The following PPP4R3A variants were observed in gnomAD, a reference collection of about 807,000 sequenced individuals.
PPP4R3A encodes protein phosphatase 4 regulatory subunit 3A.
A neutral mutation model predicts 91.7 loss-of-function variants in PPP4R3A; 15 were observed. The observed-to-expected ratio is 0.16, with a 90% confidence interval of 0.11 to 0.25. The LOEUF is 0.25. Among genes scored for constraint, PPP4R3A ranks in the 10% least tolerant of loss-of-function variants. The pLI is 1.00. For synonymous variants in PPP4R3A, 377 were observed against 348.7 expected (o/e 1.08, Z -0.91); for missense variants, 623 against 998.4 (o/e 0.62, Z 5.07).
intron 1 of PPP4R3A, among the ~76,000 whole-genome samples, chr14:91,502,903 G>A (rs539710845): frequency 6.6e-6 from 1 of 152,222 alleles, no homozygotes; most frequent in South Asian, 2.1e-4. Context: ...CAAGTACTTC[G>A]TAATAAGGAG....
chr14:91,476,784 C>G (rs1160510613), intron 5 of PPP4R3A, 125 bp downstream of exon 5: 1 of 800,274 alleles, frequency 1.2e-6, no homozygotes, highest in Non-Finnish European at 2.0e-6. Flanking sequence ...CCAGGCTGGT[C>G]TCAAACTTCT....
At position 91,509,724 on chromosome 14, in the gene PPP4R3A, G is replaced by A; in HGVS notation, c.-77C>T. 2 of 1,428,390 alleles carry A rather than the reference G, an allele frequency of 1.4e-6. No individual in the cohort carries two copies. Among genetic ancestry groups the A allele is most frequent in the East Asian group, 2.9e-5 (1 of 34,478 alleles). The allele number at this position is 1,428,390 out of a possible 1,614,324, so 88.5% of individuals were successfully genotyped here. On this transcript the variant is annotated 5_prime_UTR_variant, in exon 1 of 15. Coordinates refer to ENST00000554943, the MANE Select transcript of PPP4R3A (RefSeq NM_001366432.2). ...GGGGCCCTGGAGAGGCGAGGGGCGAGGCGTGAGGGCGCCCGCGAGCGGAGG... is the reference window on the plus strand; with the variant it reads ...GGGGCCCTGGAGAGGCGAGGGGCGAAGCGTGAGGGCGCCCGCGAGCGGAGG...
chr14:91,503,305 T>C (rs377683109), intron 1 of PPP4R3A, among the ~76,000 whole-genome samples: 2 of 146,260 alleles, frequency 1.4e-5, no homozygotes, highest in Non-Finnish European at 3.0e-5. Flanking sequence ...TTTTTTTTTT[T>C]CTGAGACAGG....
Position 91,470,965 on chromosome 14 carries a change from AG to A in PPP4R3A, c.1531del (p.Val512TyrfsTer5). ...ACAAAATGTTAACAATTCCAATACAAGTGCCAATAGTTGGGCAGTCTGAAAA... is the reference window on the plus strand; with the variant it reads ...ACAAAATGTTAACAATTCCAATACAATGCCAATAGTTGGGCAGTCTGAAAA... ...DDFQTAQLLA[L>X]VLELLTFCVE... On this transcript the variant is annotated frameshift_variant, in exon 10 of 15. Transcript: ENST00000554943. LOFTEE classifies it high-confidence loss of function. The A allele has an allele frequency of 6.2e-7, 1 of 1,604,222 alleles. No homozygotes were observed. Among genetic ancestry groups the A allele is most frequent in the Non-Finnish European group, 8.5e-7 (1 of 1,178,000 alleles).
chr14:91,504,338 AAAAG>A (rs1387689071), intron 1 of PPP4R3A, among the ~76,000 whole-genome samples: 475 of 150,084 alleles, frequency 3.2e-3, no homozygotes, highest in Non-Finnish European at 5.5e-3. Context: ...AAAAAAAAAA[AAAAG>A]AAAAGAAAAG....
intron 1 of PPP4R3A, among the ~76,000 whole-genome samples, chr14:91,498,505 T>A (rs1890725268): frequency 6.6e-6 from 1 of 152,194 alleles, no homozygotes; most frequent in Non-Finnish European, 1.5e-5. Flanking sequence ...ACAATCCAAA[T>A]AAACATCTGG....
chr14:91,458,658 C>T lies in PPP4R3A; in HGVS notation c.*101G>A. 1 of 1,535,744 alleles carries T rather than the reference C, an allele frequency of 6.5e-7. No individual in the cohort carries two copies. Among genetic ancestry groups the T allele is most frequent in the Non-Finnish European group, 9.0e-7 (1 of 1,109,724 alleles). ...GTGTAAGAGGCTGATCTGTGTCAGT[C>T]ATTCACAAGAGACCACTGCGCTTTG... On this transcript the variant is annotated 3_prime_UTR_variant, in exon 15 of 15. Transcript: ENST00000554943.
intron 10 of PPP4R3A, among the ~76,000 whole-genome samples, chr14:91,468,763 T>C (rs1888651488): frequency 6.7e-6 from 1 of 148,318 alleles, no homozygotes; most frequent in Non-Finnish European, 1.5e-5. Context: ...ATTAACATCT[T>C]AACTATGTAT....
chr14:91,470,700 T>C, intron 10 of PPP4R3A, 137 bp downstream of exon 10: 2 of 938,522 alleles, frequency 2.1e-6, no homozygotes, highest in Non-Finnish European at 1.6e-6. Flanking sequence ...ATGGCAAACC[T>C]GCATAATCAG....
intron 9 of PPP4R3A, among the ~76,000 whole-genome samples, chr14:91,471,764 G>A (rs962318913): frequency 6.6e-6 from 1 of 152,108 alleles, no homozygotes; most frequent in African/African-American, 2.4e-5. Flanking sequence ...CTATAATTAT[G>A]CTATATTAAG....
At chr14:91,500,975 T>A (rs1016326547) in intron 1 of PPP4R3A, among the ~76,000 whole-genome samples, 1 of 152,130 alleles carries the variant, frequency 6.6e-6, no homozygotes, top group Non-Finnish European at 1.5e-5. Context: ...GATGCTGCAA[T>A]GAGCTATGAT....
At chr14:91,483,971 G>T (rs1458687073) in intron 3 of PPP4R3A, among the ~76,000 whole-genome samples, 1 of 152,182 alleles carries the variant, frequency 6.6e-6, no homozygotes, top group Non-Finnish European at 1.5e-5. Context: ...ATCCAGAGTG[G>T]AAGTGTTTGA....
chr14:91,507,071 C>G (rs988681627), intron 1 of PPP4R3A, among the ~76,000 whole-genome samples: 2 of 151,908 alleles, frequency 1.3e-5, no homozygotes, highest in African/African-American at 4.8e-5. Flanking sequence ...GTAATCCTAG[C>G]ACTTTGGGAG....
At chr14:91,468,657 G>T (rs1442825947) in intron 10 of PPP4R3A, among the ~76,000 whole-genome samples, 1 of 77,272 alleles carries the variant, frequency 1.3e-5, no homozygotes, top group Non-Finnish European at 2.1e-5. Context: ...GACAGAGTGA[G>T]ACTCCGTCTC....
rs373827788 is a variant in PPP4R3A at position 91,458,789 on chromosome 14, T to C, written c.2472A>G (p.Pro824=). Residue 824 remains proline, a synonymous_variant, in exon 15 of 15, where the codon CCA becomes CCG. Coordinates refer to ENST00000554943, the MANE Select transcript of PPP4R3A (RefSeq NM_001366432.2). ...DEDEDKEDTL[P]LSKKAKFDS ...AATCAAATTTTGCTTTCTTTGACAA[T>C]GGTAACGTATCTTCCTTATCTTCAT... 6.8e-6 allele frequency: 11 copies of C among 1,614,034 alleles called. No homozygotes were observed. In the African/African-American group the frequency reaches 1.3e-4, roughly 20 times the overall value.
At chr14:91,500,683 A>G (rs1890892598) in intron 1 of PPP4R3A, among the ~76,000 whole-genome samples, 1 of 152,230 alleles carries the variant, frequency 6.6e-6, no homozygotes, top group African/African-American at 2.4e-5. Context: ...AAAACATTCC[A>G]GTACACATTT....
At chr14:91,462,298 A>C in intron 12 of PPP4R3A, 59 bp from the exon 13 acceptor site, 1 of 1,408,870 alleles carries the variant, frequency 7.1e-7, no homozygotes, top group Non-Finnish European at 9.2e-7. Flanking sequence ...GTACTGTTAC[A>C]GATGACTTAT....
intron 2 of PPP4R3A, among the ~76,000 whole-genome samples, chr14:91,489,683 T>G (rs923447502): frequency 1.3e-5 from 2 of 152,228 alleles, no homozygotes; most frequent in Non-Finnish European, 2.9e-5. Flanking sequence ...AAACATGTAT[T>G]TAATGTATTT....
At chr14:91,467,470 A>G (rs1171900373) in intron 10 of PPP4R3A, among the ~76,000 whole-genome samples, 1 of 152,242 alleles carries the variant, frequency 6.6e-6, no homozygotes, top group East Asian at 1.9e-4. Flanking sequence ...TCTGTACTTT[A>G]TAAAACGTGA....
Sources: gnomAD v4.1 joint callset for allele counts (sites outside exome capture counted in the v4.1 genomes callset) on GRCh38, gnomAD v4.1.1 for gene constraint, MANE v1.5 for transcripts, NCBI Gene and HGNC (gene_info 2026-07-23, HGNC 2026-07-21) for gene names.